The following CACNA1A variants were observed in gnomAD, a reference collection of about 807,000 sequenced individuals.
CACNA1A encodes calcium voltage-gated channel subunit alpha1 A.
CACNA1A carries 57 observed loss-of-function variants against 262.4 expected under a neutral mutation model. The ratio of observed to expected loss-of-function variants is 0.22; its 90% CI spans 0.18 to 0.27. The LOEUF (loss-of-function observed/expected upper bound fraction) is 0.27. Ranked by LOEUF, CACNA1A falls within the 10% of genes least tolerant of loss-of-function variation. CACNA1A has a pLI of 1.00. For synonymous variants in CACNA1A, 1,431 were observed against 1,419.3 expected (o/e 1.01, Z -0.18); for missense variants, 2,526 against 3,562.8 (o/e 0.71, Z 7.41).
intron 24 of CACNA1A, chr19:13,275,602 C>T: frequency 3.7e-6 from 2 of 535,462 alleles, no homozygotes; most frequent in Non-Finnish European, 6.8e-6. Flanking sequence ...AGTGATGTGG[C>T]TGAGGCCCGT....
At chr19:13,445,088 C>T (rs1226646623) in intron 3 of CACNA1A, among the ~76,000 whole-genome samples, 3 of 149,882 alleles carry the variant, frequency 2.0e-5, no homozygotes, top group African/African-American at 7.4e-5. Context: ...TGCAGTGAGC[C>T]GAGATCATGC....
Position 13,287,658 on chromosome 19 carries a change from C to T in CACNA1A, c.3090-692G>A, listed in dbSNP as rs549999465. On this transcript the variant is annotated intron_variant, in intron 19 of 46. Transcript: ENST00000360228. The stretch of plus-strand genomic sequence containing the variant: ...CTGGGATTACAGGTGCCCACCACTA[C>T]GACCGGCTAATTTTTTGTATTTCAG... Among the ~76,000 whole-genome samples, 150 of 152,084 alleles carry T rather than the reference C, an allele frequency of 9.9e-4. No homozygotes were observed. The South Asian group carries it at 0.012, about 13-fold the overall frequency.
intron 1 of CACNA1A, among the ~76,000 whole-genome samples, chr19:13,499,447 T>TGG (rs200317630): frequency 0.035 from 3,043 of 86,914 alleles, 87 homozygotes; most frequent in South Asian, 0.12. Flanking sequence ...TCGCAGGGGG[T>TGG]GGTGGGGGGG....
chr19:13,407,065 G>A (rs1368637553), intron 3 of CACNA1A, among the ~76,000 whole-genome samples: 3 of 152,026 alleles, frequency 2.0e-5, no homozygotes, highest in Admixed American at 1.3e-4. Flanking sequence ...TCTGCTACCT[G>A]GGCAAGTCAC....
At chr19:13,328,675 G>A (rs552853254) in intron 10 of CACNA1A, among the ~76,000 whole-genome samples, 61 of 152,134 alleles carry the variant, frequency 4.0e-4, no homozygotes, top group Non-Finnish European at 5.9e-5. Flanking sequence ...AGTGTTCTTC[G>A]TAAGAGAAAT....
intron 24 of CACNA1A, among the ~76,000 whole-genome samples, chr19:13,264,752 C>A (rs1321968990): frequency 1.3e-5 from 2 of 152,180 alleles, no homozygotes. Context: ...CTGGCTCCTG[C>A]CAGCTCCTAT....
intron 30 of CACNA1A, among the ~76,000 whole-genome samples, chr19:13,251,310 C>A (rs1453275788): frequency 6.6e-6 from 1 of 151,880 alleles, no homozygotes; most frequent in Non-Finnish European, 1.5e-5. Context: ...GGTGAAACCC[C>A]ATCTCTACTA....
intron 3 of CACNA1A, among the ~76,000 whole-genome samples, chr19:13,432,544 A>G (rs2060529059): frequency 1.3e-5 from 2 of 152,108 alleles, no homozygotes; most frequent in African/African-American, 4.8e-5. Flanking sequence ...TTGGGGAGAT[A>G]TTAGGCAAAG....
rs2055574078 is a variant in CACNA1A, at chr19:13,229,016, C to A, written c.5528+1066G>T. 1.3e-5 allele frequency: 4 copies of A among 307,806 alleles called. No homozygotes were observed. The South Asian group carries it at 1.5e-4, about 11-fold the overall frequency. The allele number at this position is 307,806 out of a possible 1,614,324, so 19.1% of individuals were successfully genotyped here. A position where few individuals can be genotyped will look rare whatever the true frequency, so the allele number is the denominator to read the frequency against. ...GGACTGCAGGGCACCTCCCCTGGGG[C>A]TCTCTCTGCATCTGCCTCCTCCACA... On this transcript the variant is annotated intron_variant, in intron 36 of 46. Coordinates refer to ENST00000360228, the MANE Select transcript of CACNA1A (RefSeq NM_001127222.2).
At chr19:13,314,661 T>C (rs770150578) in intron 11 of CACNA1A, among the ~76,000 whole-genome samples, 10 of 152,206 alleles carry the variant, frequency 6.6e-5, no homozygotes, top group Non-Finnish European at 1.5e-4. Flanking sequence ...AGAAAATAAA[T>C]TTCTGTTCTT....
chr19:13,294,393 A>G (rs1362500891), intron 19 of CACNA1A, among the ~76,000 whole-genome samples: 1 of 151,260 alleles, frequency 6.6e-6, no homozygotes, highest in African/African-American at 2.4e-5. Flanking sequence ...CATTCTCTAA[A>G]TGCTCAGGCT....
intron 46 of CACNA1A, 72 bp downstream of exon 46, chr19:13,208,684 A>G: frequency 6.8e-7 from 1 of 1,466,338 alleles, no homozygotes; most frequent in Non-Finnish European, 9.0e-7. Flanking sequence ...TGGCTGTTGG[A>G]TGGGGTATCC....
chr19:13,377,483 C>T (rs968935783), intron 3 of CACNA1A, among the ~76,000 whole-genome samples: 1 of 151,802 alleles, frequency 6.6e-6, no homozygotes, highest in Non-Finnish European at 1.5e-5. Flanking sequence ...CTGCCTCAGC[C>T]TCCCAAGTGG....
At chr19:13,402,835 C>CATATATACACACATATATATAT (rs1568610770) in intron 3 of CACNA1A, among the ~76,000 whole-genome samples, 2 of 102,204 alleles carry the variant, frequency 2.0e-5, no homozygotes, top group East Asian at 4.8e-4. Context: ...CATATATATA[C>CATATATACACACATATATATAT]ATATATATAC....
In CACNA1A at chr19:13,210,625, T is replaced by C. The variant is rs1162464868; in HGVS notation, c.6331A>G (p.Asn2111Asp). ...GCAGGCGCGGTACATACACTGAGGT[T>C]ATTCCCACGTGGCCGGCCCCTTCTC... ...QRRRGRPRGN[N>D]LSTISDTSPM... Residue 2111 changes from asparagine (N) to aspartate (D), a missense_variant, in exon 44 of 47, where the codon AAC (asparagine) becomes GAC (aspartate). This residue lies in a region of CACNA1A where 929 missense variants were observed against 868.1 expected (regional missense o/e 1.07). Transcript: ENST00000360228. The C allele has an allele frequency of 1.0e-5, 16 of 1,565,030 alleles. No individual in the cohort carries two copies. Among genetic ancestry groups the C allele is most frequent in the Non-Finnish European group, 1.4e-5 (16 of 1,156,224 alleles).
Position 13,310,479 on chromosome 19 carries a change from A to T in CACNA1A, c.1669-1951T>A, listed in dbSNP as rs2058002517. On this transcript the variant is annotated intron_variant, in intron 12 of 46. Coordinates refer to ENST00000360228, the MANE Select transcript of CACNA1A (RefSeq NM_001127222.2). Reference sequence around the variant, plus strand: ...CAAAAAAAAAAAAAAAAAAAAAAAAAAAAAAAAAAAATATATATATATATA... The same window carrying T: ...CAAAAAAAAAAAAAAAAAAAAAAAATAAAAAAAAAAATATATATATATATA... Among the ~76,000 whole-genome samples, 62 of 37,482 alleles carry T rather than the reference A, an allele frequency of 1.7e-3. 1 individual carries two copies. Among genetic ancestry groups the T allele is most frequent in the African/African-American group, 7.2e-3 (52 of 7,204 alleles). 24.6% of individuals were successfully genotyped at this position (37,482 alleles called of 152,430 possible).
chr19:13,503,061 G>A (rs1474345962), intron 1 of CACNA1A, among the ~76,000 whole-genome samples: 1 of 151,946 alleles, frequency 6.6e-6, no homozygotes, highest in Admixed American at 6.6e-5. Flanking sequence ...AGAACTGTGG[G>A]AAAAAAATAA....
chr19:13,457,920 T>C (rs911238841), intron 1 of CACNA1A, among the ~76,000 whole-genome samples: 10 of 149,666 alleles, frequency 6.7e-5, no homozygotes, highest in Admixed American at 6.7e-4. Flanking sequence ...CTTGAAAACA[T>C]TATGCCAAGC....
chr19:13,490,692 GGAAAGAAAGAAAGAAAGAAAGAAAGAAA>G (rs56868654), intron 1 of CACNA1A, among the ~76,000 whole-genome samples: 1 of 132,592 alleles, frequency 7.5e-6, no homozygotes. Flanking sequence ...GAGAAAGAAA[GGAAAGAAAGAAAGAAAGAAAGAAAGAAA>G]GAAAGAAAGA....
Sources: allele counts gnomAD v4.1 joint callset (sites outside exome capture counted in the v4.1 genomes callset), GRCh38; gene constraint gnomAD v4.1.1; regional missense constraint gnomAD v4.1.1; transcripts MANE v1.5; gene names NCBI Gene and HGNC (gene_info 2026-07-23, HGNC 2026-07-21).